ANXA11: variants seen among roughly 807,000 people sequenced by gnomAD.
ANXA11 encodes annexin A11.
A neutral mutation model predicts 64.7 loss-of-function variants in ANXA11; 57 were observed. The observed-to-expected ratio is 0.88, with a 90% CI of 0.71 to 1.10. ANXA11 has a LOEUF of 1.10. Among genes scored for constraint, ANXA11 ranks in the 50% least tolerant of loss-of-function variants. The pLI is 0.00. For missense variants in ANXA11, 675 were observed against 670.7 expected, an observed-to-expected ratio of 1.01 and a Z score of -0.07; for synonymous variants, 260 against 265.2, an observed-to-expected ratio of 0.98 and a Z score of 0.19.
In ANXA11 at chr10:80,187,097, G is replaced by T. The variant is rs1217326700; in HGVS notation, c.-57-10942C>A. On this transcript the variant is annotated intron_variant, in intron 1 of 15. Coordinates refer to ENST00000422982, the MANE Select transcript of ANXA11 (RefSeq NM_145868.2). ...CTGAGGTTCTTGCAACAGACACAGT[G>T]GCAGTGACAGAAAAAGCCCCCCACC... 2.0e-5 allele frequency among the ~76,000 whole-genome samples: 3 copies of T among 152,192 alleles called. No homozygotes were observed. In the East Asian group the frequency reaches 5.8e-4, roughly 29 times the overall value.
chr10:80,157,954 G>A lies in ANXA11; in HGVS notation c.1335+13C>T, dbSNP rs768327712. ...TAAGGTTCCATCGCAACCTGCACAT[G>A]GAAGTTACATACCCTCATGGCCTTG... On this transcript the variant is annotated intron_variant, in intron 14 of 15. Coordinates refer to ENST00000422982, the MANE Select transcript of ANXA11 (RefSeq NM_145868.2). The A allele has an allele frequency of 3.1e-6, 5 of 1,613,540 alleles. No homozygotes were observed. In the South Asian group the frequency reaches 4.4e-5, roughly 14 times the overall value.
intron 1 of ANXA11, among the ~76,000 whole-genome samples, chr10:80,176,768 G>T (rs1194378818): frequency 3.3e-5 from 5 of 152,142 alleles, no homozygotes; most frequent in African/African-American, 1.2e-4. Flanking sequence ...TTTTAAGGGA[G>T]TTCCCAGCAG....
In ANXA11 at chr10:80,163,375, T is replaced by C; in HGVS notation, c.1060A>G (p.Met354Val). 2 of 1,613,800 alleles carry C rather than the reference T, an allele frequency of 1.2e-6. No homozygotes were observed. Among genetic ancestry groups the C allele is most frequent in the Non-Finnish European group, 1.7e-6 (2 of 1,180,048 alleles). Residue 354 changes from methionine (M) to valine (V), a missense_variant, in exon 11 of 16, where the codon ATG (methionine) becomes GTG (valine). By Grantham distance (21) the Met-to-Val change is conservative. Coordinates refer to ENST00000422982, the MANE Select transcript of ANXA11 (RefSeq NM_145868.2). ...TGGGCATCTCTCTGGGCGAGTGACA[T>C]GTCCACGTTTGTGCTTTCATCACGG... ...GNRDESTNVDMSLAQRDAQEL... is the reference protein window; with the variant it reads ...GNRDESTNVDVSLAQRDAQEL...
intron 1 of ANXA11, among the ~76,000 whole-genome samples, chr10:80,197,463 A>AC (rs1447621699): frequency 6.6e-6 from 1 of 152,160 alleles, no homozygotes; most frequent in East Asian, 1.9e-4. Flanking sequence ...GGGGTTGGCA[A>AC]CCACTGCTCT....
intron 11 of ANXA11, among the ~76,000 whole-genome samples, chr10:80,163,140 T>G (rs770750701): frequency 6.6e-6 from 1 of 152,124 alleles, no homozygotes; most frequent in African/African-American, 2.4e-5. Context: ...ACATGTTCCC[T>G]CCTATAGGTG....
At position 80,171,024 on chromosome 10, in the gene ANXA11, G is replaced by A. The variant is rs753555767; in HGVS notation, c.56-109C>T. 127 of 1,517,460 alleles carry A rather than the reference G, an allele frequency of 8.4e-5. 1 individual carries two copies. Among genetic ancestry groups the A allele is most frequent in the South Asian group, 2.9e-4 (23 of 80,654 alleles). 94.0% of individuals were successfully genotyped at this position (1,517,460 alleles called of 1,614,324 possible). A position where few individuals can be genotyped will look rare whatever the true frequency, so the allele number is the denominator to read the frequency against. ...AGAAAGGGAGGCCCAGTAAAGCCTC[G>A]AGCCTCGAGCCTCGGGACACCACAG... is the stretch of plus-strand genomic sequence containing the variant. On this transcript the variant is annotated intron_variant, in intron 3 of 15. Transcript: ENST00000422982.
At chr10:80,175,823 G>A (rs1284834068) in intron 2 of ANXA11, among the ~76,000 whole-genome samples, 1 of 152,140 alleles carries the variant, frequency 6.6e-6, no homozygotes, top group African/African-American at 2.4e-5. Flanking sequence ...TTGGGAGGCC[G>A]AGGTGGGCAG....
chr10:80,174,345 C>T (rs767816059), intron 2 of ANXA11, among the ~76,000 whole-genome samples: 2 of 151,736 alleles, frequency 1.3e-5, no homozygotes, highest in South Asian at 2.1e-4. Flanking sequence ...GGTGTGATCT[C>T]GGCTCACTGC....
At chr10:80,173,807 C>G (rs1301858465) in intron 2 of ANXA11, among the ~76,000 whole-genome samples, 1 of 152,212 alleles carries the variant, frequency 6.6e-6, no homozygotes, top group African/African-American at 2.4e-5. Flanking sequence ...GAGTATGTGG[C>G]TTCTTTTTAC....
At chr10:80,168,018 A>G (rs370491764) in intron 5 of ANXA11, among the ~76,000 whole-genome samples, 17 of 152,140 alleles carry the variant, frequency 1.1e-4, no homozygotes, top group African/African-American at 3.9e-4. Flanking sequence ...AGGGTGGGGG[A>G]ACGTGTGGGT....
intron 1 of ANXA11, among the ~76,000 whole-genome samples, chr10:80,183,704 G>C (rs1194415619): frequency 2.0e-5 from 3 of 152,192 alleles, no homozygotes; most frequent in Non-Finnish European, 4.4e-5. Flanking sequence ...CCCTGCCCTT[G>C]GCAACCTACT....
At chr10:80,187,547 A>G (rs1020386531) in intron 1 of ANXA11, among the ~76,000 whole-genome samples, 31 of 134,600 alleles carry the variant, frequency 2.3e-4, no homozygotes, top group African/African-American at 7.6e-4. Flanking sequence ...GCGCGCGTGC[A>G]CACACACACA....
intron 3 of ANXA11, chr10:80,171,347 G>A: frequency 1.3e-6 from 1 of 747,866 alleles, no homozygotes; most frequent in Non-Finnish European, 1.7e-6. Context: ...GAGGGGGTTT[G>A]GCTGTTTGCT....
intron 1 of ANXA11, among the ~76,000 whole-genome samples, chr10:80,202,207 G>GC (rs1840463930): frequency 6.6e-6 from 1 of 151,440 alleles, no homozygotes; most frequent in African/African-American, 2.4e-5. Flanking sequence ...GGGGGGAAGC[G>GC]GGGGGTCTCT....
At position 80,162,047 on chromosome 10, in the gene ANXA11, G is replaced by A. The variant is rs368776217; in HGVS notation, c.1087-19C>T. ...ACAGCTCCTGGAGAGAGAGGAAGAC[G>A]CACATGTGGCACAGGCCACACCCAG... On this transcript the variant is annotated intron_variant, in intron 11 of 15. Transcript: ENST00000422982. The A allele has an allele frequency of 1.8e-5, 28 of 1,596,226 alleles. No individual in the cohort carries two copies. Among genetic ancestry groups the A allele is most frequent in the Admixed American group, 1.5e-4 (9 of 59,802 alleles).
chr10:80,172,075 C>T (rs761592725), intron 3 of ANXA11, among the ~76,000 whole-genome samples: 33 of 152,188 alleles, frequency 2.2e-4, no homozygotes, highest in African/African-American at 7.5e-4. Flanking sequence ...CTAGGAGTCC[C>T]CTGGGGAGAG....
intron 15 of ANXA11, chr10:80,156,992 G>T: frequency 1.0e-6 from 1 of 985,420 alleles, no homozygotes; most frequent in Admixed American, 6.1e-5. Flanking sequence ...AGCTGAGAAT[G>T]TATTTTGTCA....
chr10:80,187,159 T>C (rs1458751403), intron 1 of ANXA11, among the ~76,000 whole-genome samples: 1 of 152,200 alleles, frequency 6.6e-6, no homozygotes, highest in East Asian at 1.9e-4. Context: ...GGACCTGCTA[T>C]AGTTTGAATA....
At chr10:80,203,841 A>G (rs1304830099) in intron 1 of ANXA11, among the ~76,000 whole-genome samples, 1 of 152,248 alleles carries the variant, frequency 6.6e-6, no homozygotes, top group Non-Finnish European at 1.5e-5. Context: ...TGAGCTTAGC[A>G]TGAGCTAAGC....
Sources: gnomAD v4.1 joint callset for allele counts (sites outside exome capture counted in the v4.1 genomes callset) on GRCh38, gnomAD v4.1.1 for gene constraint, MANE v1.5 for transcripts, NCBI Gene and HGNC (gene_info 2026-07-23, HGNC 2026-07-21) for gene names.